The following GRIP1 variants were observed in gnomAD, a reference collection of about 807,000 sequenced individuals.
GRIP1 encodes glutamate receptor-interacting protein 1.
GRIP1 carries 45 observed loss-of-function variants against 129.9 expected under a neutral mutation model. The ratio of observed to expected loss-of-function variants is 0.35; its 90% CI spans 0.27 to 0.44. GRIP1 has a LOEUF of 0.44. Ranked by LOEUF, GRIP1 falls within the 20% of genes least tolerant of loss-of-function variation. The pLI is 1.00. For missense variants in GRIP1, 1,196 were observed against 1,396.8 expected (o/e 0.86, Z 2.29); for synonymous variants, 530 against 520.8 (o/e 1.02, Z -0.24).
chr12:66,532,533 G>C (rs778253318), intron 4 of GRIP1, among the ~76,000 whole-genome samples: 1 of 152,152 alleles, frequency 6.6e-6, no homozygotes, highest in Non-Finnish European at 1.5e-5. Flanking sequence ...AATAGGAGTT[G>C]TGAACTTTCC....
At chr12:66,701,058 T>C (rs147941196) in intron 1 of GRIP1, among the ~76,000 whole-genome samples, 10 of 152,290 alleles carry the variant, frequency 6.6e-5, no homozygotes, top group Non-Finnish European at 1.2e-4. Flanking sequence ...TAAGAAGACC[T>C]AGTGAATAGA....
chr12:66,559,005 G>T (rs962887417), intron 2 of GRIP1, among the ~76,000 whole-genome samples: 4 of 151,778 alleles, frequency 2.6e-5, no homozygotes, highest in Non-Finnish European at 5.9e-5. Flanking sequence ...TTATCCCAGG[G>T]GTGCAAGGAT....
At chr12:66,874,062 A>T (rs2040341753) in intron 1 of GRIP1, among the ~76,000 whole-genome samples, 1 of 152,048 alleles carries the variant, frequency 6.6e-6, no homozygotes, top group Admixed American at 6.6e-5. Context: ...GATCTGGTGG[A>T]GATACGTGCT....
At chr12:66,930,759 G>A (rs1334952734) in intron 1 of GRIP1, among the ~76,000 whole-genome samples, 1 of 152,086 alleles carries the variant, frequency 6.6e-6, no homozygotes, top group Non-Finnish European at 1.5e-5. Flanking sequence ...CCCAAATTTA[G>A]GATTTACTCT....
chr12:67,035,834 G>A (rs2043086301), intron 1 of GRIP1, among the ~76,000 whole-genome samples: 1 of 152,000 alleles, frequency 6.6e-6, no homozygotes, highest in Non-Finnish European at 1.5e-5. Flanking sequence ...ATCTCATCCT[G>A]ACAAACTATC....
At chr12:66,973,864 A>T (rs1778869145) in intron 1 of GRIP1, among the ~76,000 whole-genome samples, 1 of 150,510 alleles carries the variant, frequency 6.6e-6, no homozygotes, top group African/African-American at 2.4e-5. Context: ...CATATTGAAT[A>T]TTGAACTCTA....
At chr12:66,558,860 A>G (rs2131596) in intron 2 of GRIP1, among the ~76,000 whole-genome samples, 87,038 of 151,808 alleles carry the variant, frequency 0.57, 25,380 homozygotes, top group African/African-American at 0.68. Context: ...ACCAAAACCA[A>G]ACAAAGACAC....
chr12:66,998,422 A>T (rs537661340), intron 1 of GRIP1, among the ~76,000 whole-genome samples: 12 of 126,816 alleles, frequency 9.5e-5, no homozygotes, highest in Admixed American at 3.0e-4. Context: ...CTTTTCTGAT[A>T]AAAAAAAATA....
chr12:66,807,643 C>T (rs1445024222), upstream of GRIP1, among the ~76,000 whole-genome samples: 1 of 152,052 alleles, frequency 6.6e-6, no homozygotes, highest in Non-Finnish European at 1.5e-5. Flanking sequence ...CACTGCACTC[C>T]AGCCTGGGCG....
chr12:66,606,409 T>G (rs144110244), intron 1 of GRIP1, among the ~76,000 whole-genome samples: 1 of 152,304 alleles, frequency 6.6e-6, no homozygotes, highest in African/African-American at 2.4e-5. Flanking sequence ...CTATAAGTAA[T>G]CTAAATAATT....
intron 1 of GRIP1, among the ~76,000 whole-genome samples, chr12:66,925,895 C>T (rs2041288455): frequency 1.3e-5 from 2 of 152,182 alleles, no homozygotes; most frequent in Admixed American, 6.5e-5. Context: ...CCACCCACCC[C>T]GGCCTTCCAA....
rs1013665877 is a variant in GRIP1 at position 66,752,577 on chromosome 12, T to C, written c.-420+51476A>G. ...GCCTTATACATATAGGCAATTGATA[T>C]ATGTGATTTGATGGCATAATACAGA... On this transcript the variant is annotated intron_variant, in intron 1 of 4. Transcript: ENST00000538373. Among the ~76,000 whole-genome samples, 10 of 152,174 alleles carry C rather than the reference T, an allele frequency of 6.6e-5. No individual in the cohort carries two copies. The East Asian group carries it at 1.2e-3, about 18-fold the overall frequency.
chr12:66,811,303 C>T lies in GRIP1; in HGVS notation c.59-214376G>A, dbSNP rs2039097817. Among the ~76,000 whole-genome samples the T allele has an allele frequency of 4.6e-5, 7 of 152,212 alleles. No homozygotes were observed. The South Asian group carries it at 1.5e-3, about 32-fold the overall frequency. On this transcript the variant is annotated intron_variant, in intron 1 of 1. Transcript: ENST00000643019. ...AATGTAAAATGCTAAGTGTGCCGTT[C>T]TGACTATTATAAGGATTTCAAAAAT...
At chr12:66,427,937 T>C (rs1048887658) in intron 14 of GRIP1, among the ~76,000 whole-genome samples, 7 of 152,178 alleles carry the variant, frequency 4.6e-5, no homozygotes, top group Non-Finnish European at 8.8e-5. Context: ...AAAGTCTCCA[T>C]GTATTGATTT....
At chr12:66,363,419 T>TAAAA (rs1228067906) in intron 23 of GRIP1, among the ~76,000 whole-genome samples, 1 of 147,618 alleles carries the variant, frequency 6.8e-6, no homozygotes, top group African/African-American at 2.5e-5. Flanking sequence ...TTTTTTTTTT[T>TAAAA]AAATTATTTT....
intron 1 of GRIP1, among the ~76,000 whole-genome samples, chr12:66,878,849 A>G (rs918443158): frequency 1.3e-5 from 2 of 152,086 alleles, no homozygotes; most frequent in Non-Finnish European, 2.9e-5. Context: ...TAGAATGTCC[A>G]GAGAAGGCCT....
At chr12:66,441,688 A>G (rs2058476003) in intron 13 of GRIP1, among the ~76,000 whole-genome samples, 1 of 152,232 alleles carries the variant, frequency 6.6e-6, no homozygotes, top group Non-Finnish European at 1.5e-5. Context: ...AGCACCTAGT[A>G]ACAGGTGCTC....
intron 7 of GRIP1, among the ~76,000 whole-genome samples, chr12:66,496,134 A>G (rs1035016809): frequency 7.9e-5 from 12 of 152,132 alleles, no homozygotes; most frequent in Non-Finnish European, 1.6e-4. Context: ...CCAGAAGGAA[A>G]GTCTCCAGTG....
intron 2 of GRIP1, among the ~76,000 whole-genome samples, chr12:66,549,857 C>T (rs1414312050): frequency 6.6e-6 from 1 of 151,890 alleles, no homozygotes; most frequent in Non-Finnish European, 1.5e-5. Context: ...GATGGGAGGG[C>T]TGGATTAATA....
Sources: allele counts gnomAD v4.1 joint callset (sites outside exome capture counted in the v4.1 genomes callset), GRCh38; gene constraint gnomAD v4.1.1; transcripts MANE v1.5; gene names NCBI Gene and HGNC (gene_info 2026-07-23, HGNC 2026-07-21).